The following HTT variants were observed in gnomAD, a reference collection of about 807,000 sequenced individuals.
The protein encoded by HTT is huntington disease protein.
HTT carries 104 observed loss-of-function variants against 362.3 expected under a neutral mutation model. The observed-to-expected ratio is 0.29, with a 90% CI of 0.24 to 0.34. The LOEUF is 0.34. Among genes scored for constraint, HTT ranks in the 10% least tolerant of loss-of-function variants. HTT has a pLI of 1.00. For synonymous variants in HTT, 1,577 were observed against 1,548.7 expected, an observed-to-expected ratio of 1.02 and a Z score of -0.43; for missense variants, 3,301 against 3,928.6, an observed-to-expected ratio of 0.84 and a Z score of 4.27.
chr4:3,224,719 G>A (rs1720829724), intron 56 of HTT, among the ~76,000 whole-genome samples: 1 of 152,168 alleles, frequency 6.6e-6, no homozygotes, highest in African/African-American at 2.4e-5. Flanking sequence ...AGAGCTCTGT[G>A]ATTCCGTAGC....
intron 8 of HTT, among the ~76,000 whole-genome samples, chr4:3,118,561 T>A (rs1715140728): frequency 6.6e-6 from 1 of 152,128 alleles, no homozygotes; most frequent in Non-Finnish European, 1.5e-5. Flanking sequence ...CACACGAGTG[T>A]GGGTGCGTAG....
intron 3 of HTT, among the ~76,000 whole-genome samples, chr4:3,100,764 A>C (rs1242359868): frequency 1.3e-5 from 2 of 152,200 alleles, no homozygotes; most frequent in Non-Finnish European, 2.9e-5. Flanking sequence ...GGTCTCGCTC[A>C]GTCACCCAGG....
Position 3,174,942 on chromosome 4 carries a change from A to G in HTT, c.4246-4A>G, listed in dbSNP as rs766456177. On this transcript the variant is annotated splice_region_variant and splice_polypyrimidine_tract_variant and intron_variant, in intron 32 of 66. Coordinates refer to ENST00000355072, the MANE Select transcript of HTT (RefSeq NM_001388492.1). Reference sequence around the variant, plus strand: ...TTCTTTCTTTCTTTTTTTCTTTTTTATAGAATGCTATTCATAATCACATTC... The same window carrying G: ...TTCTTTCTTTCTTTTTTTCTTTTTTGTAGAATGCTATTCATAATCACATTC... 1.3e-6 allele frequency: 2 copies of G among 1,571,132 alleles called. No individual in the cohort carries two copies. Among genetic ancestry groups the G allele is most frequent in the Non-Finnish European group, 1.7e-6 (2 of 1,155,730 alleles).
intron 8 of HTT, among the ~76,000 whole-genome samples, chr4:3,120,011 G>T (rs950872251): frequency 5.3e-5 from 8 of 152,090 alleles, no homozygotes; most frequent in Admixed American, 6.5e-5. Context: ...GAAACTTTAG[G>T]TACAAAAGCA....
chr4:3,107,740 C>T (rs1025463643), intron 6 of HTT, among the ~76,000 whole-genome samples: 1 of 152,192 alleles, frequency 6.6e-6, no homozygotes, highest in African/African-American at 2.4e-5. Context: ...GATGACTGTG[C>T]CAAGACTGCA....
rs377344161 is a variant in HTT, at chr4:3,238,521, C to T, written c.8966C>T (p.Pro2989Leu). The T allele has an allele frequency of 3.5e-5, 56 of 1,612,968 alleles. No individual in the cohort carries two copies. The highest frequency in any genetic ancestry group is 4.2e-5 in the Non-Finnish European group (49 of 1,179,476). Residue 2989 changes from proline to leucine, a missense_variant, in exon 65 of 67, where the codon CCA (proline) becomes CTA (leucine). Pro to Leu is a moderately conservative substitution (Grantham distance 98, BLOSUM62 -3). Transcript: ENST00000355072. ...ILPQFLDDFFPPQDIMNKVIG... is the reference protein window; with the variant it reads ...ILPQFLDDFFLPQDIMNKVIG... ...CCCCAGTTTCTAGACGACTTCTTCCCACCCCAGGACATCATGAACAAAGTC... is the reference window on the plus strand; with the variant it reads ...CCCCAGTTTCTAGACGACTTCTTCCTACCCCAGGACATCATGAACAAAGTC...
At chr4:3,092,890 C>T (rs1713588666) in intron 2 of HTT, among the ~76,000 whole-genome samples, 2 of 152,246 alleles carry the variant, frequency 1.3e-5, no homozygotes, top group South Asian at 4.1e-4. Context: ...AATAGTTATC[C>T]CAGGAAAATG....
intron 6 of HTT, among the ~76,000 whole-genome samples, chr4:3,109,077 A>T (rs1714590698): frequency 1.3e-5 from 2 of 151,458 alleles, no homozygotes; most frequent in Non-Finnish European, 2.9e-5. Flanking sequence ...ATATATATAT[A>T]TATATTATCA....
In HTT at chr4:3,239,013, T is replaced by A. The variant is rs73074852; in HGVS notation, c.9215+35T>A. ...CTGGGTCCCTGGTGCTGGCCCCGTT[T>A]CCCTTGTCAACACCGAGGCTCATGT... is the stretch of plus-strand genomic sequence containing the variant. On this transcript the variant is annotated intron_variant, in intron 66 of 66. Coordinates refer to ENST00000355072, the MANE Select transcript of HTT (RefSeq NM_001388492.1). 1.9e-6 allele frequency: 3 copies of A among 1,572,148 alleles called. No individual in the cohort carries two copies. In the Admixed American group the frequency reaches 5.4e-5, roughly 28 times the overall value.
intron 41 of HTT, 100 bp from the exon 42 acceptor site, chr4:3,203,907 C>G (rs2110266627): frequency 8.8e-7 from 1 of 1,138,184 alleles, no homozygotes; most frequent in East Asian, 2.4e-5. Context: ...AACAACTTGT[C>G]TGTTTTAGAA....
Position 3,229,073 on chromosome 4 carries a change from CCCCACACACACACACCG to C in HTT, c.8109+75_8109+91del, listed in dbSNP as rs562322572. 1,996 of 1,493,946 alleles carry C rather than the reference CCCCACACACACACACCG, an allele frequency of 1.3e-3. 42 individuals are homozygous for C. The East Asian group carries it at 0.035, about 26-fold the overall frequency. 92.5% of individuals were successfully genotyped at this position (1,493,946 alleles called of 1,614,324 possible). A position where few individuals can be genotyped will look rare whatever the true frequency, so the allele number is the denominator to read the frequency against. ...CCACACGCACCACACACGCCACACA[CCCCACACACACACACCG>C]CCCACACACATGCCACTTGCACACA... On this transcript the variant is annotated intron_variant, in intron 59 of 66. Transcript: ENST00000355072.
intron 2 of HTT, among the ~76,000 whole-genome samples, chr4:3,089,504 C>T (rs139401618): frequency 0.015 from 2,306 of 152,308 alleles, 63 homozygotes; most frequent in African/African-American, 0.052. Flanking sequence ...CCGCCCGCCT[C>T]GGCCTCCCAA....
At chr4:3,153,371 G>T (rs901370517) in intron 26 of HTT, among the ~76,000 whole-genome samples, 1 of 152,212 alleles carries the variant, frequency 6.6e-6, no homozygotes, top group Non-Finnish European at 1.5e-5. Flanking sequence ...AGATCAGGGA[G>T]TGAGTAAGTA....
intron 2 of HTT, among the ~76,000 whole-genome samples, chr4:3,090,239 T>C (rs1312317153): frequency 6.6e-6 from 1 of 152,240 alleles, no homozygotes; most frequent in African/African-American, 2.4e-5. Flanking sequence ...GAAAATGTAG[T>C]CTGCTTTAAG....
At position 3,229,946 on chromosome 4, in the gene HTT, G is replaced by A. The variant is rs765137747; in HGVS notation, c.8169G>A (p.Thr2723=). ...ERNQFELMYV[T]LTELRRVHPS... ...ACCAGTTTGAGCTGATGTATGTGAC[G>A]CTGACAGAACTGCGAAGGGTGCACC... The change falls in exon 60 of 67, where the codon ACG becomes ACA. Residue 2723 remains threonine, a synonymous_variant. Coordinates refer to ENST00000355072, the MANE Select transcript of HTT (RefSeq NM_001388492.1). 11 of 1,614,110 alleles carry A rather than the reference G, an allele frequency of 6.8e-6. No homozygotes were observed. The Admixed American group carries it at 8.3e-5, about 12-fold the overall frequency.
intron 1 of HTT, among the ~76,000 whole-genome samples, chr4:3,078,884 G>A (rs1004070184): frequency 6.6e-6 from 1 of 152,150 alleles, no homozygotes; most frequent in Admixed American, 6.6e-5. Context: ...ACAGGCGCCT[G>A]CCACCACGTC....
chr4:3,140,747 C>G (rs747786872), intron 22 of HTT, 91 bp downstream of exon 22: 7 of 1,299,188 alleles, frequency 5.4e-6, no homozygotes, highest in Middle Eastern at 1.9e-4. Flanking sequence ...ATTTTATTTT[C>G]TAGAAAAAAG....
intron 1 of HTT, among the ~76,000 whole-genome samples, chr4:3,083,548 C>T (rs1220405800): frequency 0.026 from 3,486 of 135,480 alleles, 203 homozygotes; most frequent in African/African-American, 0.093. Context: ...CACACACACA[C>T]ACACACACAC....
intron 1 of HTT, among the ~76,000 whole-genome samples, chr4:3,082,872 T>G (rs897294012): frequency 2.7e-4 from 41 of 152,054 alleles, no homozygotes; most frequent in African/African-American, 8.7e-4. Flanking sequence ...CTCGCTTAGA[T>G]GAACTGGAAG....
Sources: allele counts gnomAD v4.1 joint callset (sites outside exome capture counted in the v4.1 genomes callset), GRCh38; gene constraint gnomAD v4.1.1; transcripts MANE v1.5; gene names NCBI Gene and HGNC (gene_info 2026-07-23, HGNC 2026-07-21).